DLGAP1: variants seen among roughly 807,000 people sequenced by gnomAD.
The protein encoded by DLGAP1 is DLG associated protein 1.
DLGAP1 carries 11 observed loss-of-function variants against 90.8 expected under a neutral mutation model. The ratio of observed to expected loss-of-function variants is 0.12; its 90% CI spans 0.08 to 0.20. DLGAP1 has a LOEUF of 0.20. DLGAP1 is among the 10% of genes least tolerant of loss of function. The pLI, the probability that DLGAP1 is intolerant of heterozygous loss-of-function variation, is 1.00. For synonymous variants in DLGAP1, 558 were observed against 540.7 expected (o/e 1.03, Z -0.44); for missense variants, 1,050 against 1,333.8 (o/e 0.79, Z 3.31).
intron 2 of DLGAP1, among the ~76,000 whole-genome samples, chr18:4,131,464 G>T (rs1353157291): frequency 6.6e-6 from 1 of 152,188 alleles, no homozygotes; most frequent in Admixed American, 6.5e-5. Flanking sequence ...TTCCTCTGTT[G>T]CCAGTACCCT....
chr18:3,670,943 C>T (rs2060066486), intron 7 of DLGAP1, among the ~76,000 whole-genome samples: 1 of 152,188 alleles, frequency 6.6e-6, no homozygotes, highest in Non-Finnish European at 1.5e-5. Flanking sequence ...TTGATTGAAA[C>T]TGCTTAATAA....
At chr18:4,213,765 C>T (rs1186312523) in intron 1 of DLGAP1, among the ~76,000 whole-genome samples, 3 of 152,140 alleles carry the variant, frequency 2.0e-5, no homozygotes, top group Admixed American at 6.6e-5. Context: ...AAGACAAATA[C>T]AAGAACAAGT....
chr18:4,115,660 G>A (rs932535521), intron 2 of DLGAP1, among the ~76,000 whole-genome samples: 1 of 151,878 alleles, frequency 6.6e-6, no homozygotes, highest in Non-Finnish European at 1.5e-5. Flanking sequence ...TAATTTTTTT[G>A]TATTTTTAGT....
chr18:4,034,867 C>A (rs2074862156), intron 2 of DLGAP1, among the ~76,000 whole-genome samples: 1 of 151,908 alleles, frequency 6.6e-6, no homozygotes. Flanking sequence ...ATTACAGACT[C>A]TAACTACTTT....
At chr18:3,600,827 G>GATATATAGATATATATAGATATATAT (rs2056910049) in intron 7 of DLGAP1, among the ~76,000 whole-genome samples, 1 of 12,206 alleles carries the variant, frequency 8.2e-5, no homozygotes, top group Non-Finnish European at 1.7e-4. Flanking sequence ...TAGATATATA[G>GATATATAGATATATATAGATATATAT]ATATATATAG....
At chr18:3,633,892 C>T (rs1354566623) in intron 7 of DLGAP1, among the ~76,000 whole-genome samples, 1 of 152,060 alleles carries the variant, frequency 6.6e-6, no homozygotes, top group Non-Finnish European at 1.5e-5. Context: ...TAAATAACTA[C>T]GGCCATGCAT....
intron 2 of DLGAP1, among the ~76,000 whole-genome samples, chr18:4,150,440 G>C (rs1379020019): frequency 6.6e-6 from 1 of 151,894 alleles, no homozygotes; most frequent in East Asian, 1.9e-4. Context: ...ACCCTGGCTG[G>C]AGTGCAGTGG....
chr18:3,949,153 T>A (rs2072933273), intron 3 of DLGAP1, among the ~76,000 whole-genome samples: 1 of 152,216 alleles, frequency 6.6e-6, no homozygotes, highest in Admixed American at 6.5e-5. Flanking sequence ...TTGCTGGCTC[T>A]GTGTCATACA....
chr18:4,440,248 A>G (rs1347111355), intron 1 of DLGAP1, among the ~76,000 whole-genome samples: 1 of 152,040 alleles, frequency 6.6e-6, no homozygotes, highest in Non-Finnish European at 1.5e-5. Flanking sequence ...GGAATAAAAT[A>G]TTTTAGAAAA....
At chr18:3,745,294 AAT>A (rs1295933657) in intron 5 of DLGAP1, among the ~76,000 whole-genome samples, 2 of 152,234 alleles carry the variant, frequency 1.3e-5, no homozygotes, top group African/African-American at 4.8e-5. Context: ...CACAACTCTG[AAT>A]ATATGAAAAT....
intron 2 of DLGAP1, among the ~76,000 whole-genome samples, chr18:4,053,346 C>G (rs890310925): frequency 1.3e-5 from 2 of 152,260 alleles, no homozygotes; most frequent in Middle Eastern, 3.4e-3. Context: ...GGGCCAAAGT[C>G]CCTTATATAA....
At chr18:3,562,656 T>C (rs1242926079) in intron 9 of DLGAP1, among the ~76,000 whole-genome samples, 1 of 149,746 alleles carries the variant, frequency 6.7e-6, no homozygotes, top group African/African-American at 2.5e-5. Context: ...GTGATTTTCC[T>C]GCCTCAGCCT....
intron 1 of DLGAP1, among the ~76,000 whole-genome samples, chr18:4,441,919 G>A (rs955883254): frequency 6.6e-6 from 1 of 152,294 alleles, no homozygotes; most frequent in Non-Finnish European, 1.5e-5. Flanking sequence ...ACAGACCTTC[G>A]TTCAATTATC....
intron 2 of DLGAP1, among the ~76,000 whole-genome samples, chr18:4,144,009 TCTC>T (rs1268035242): frequency 1.3e-5 from 2 of 152,046 alleles, no homozygotes; most frequent in Non-Finnish European, 2.9e-5. Flanking sequence ...TACTCTTCCT[TCTC>T]CTCTCCTCAA....
intron 5 of DLGAP1, among the ~76,000 whole-genome samples, chr18:3,800,193 ATTTTCT>A (rs1242607965): frequency 6.6e-6 from 1 of 152,108 alleles, no homozygotes; most frequent in Non-Finnish European, 1.5e-5. Flanking sequence ...CTTCATTTTC[ATTTTCT>A]TTAAGTGATT....
intron 6 of DLGAP1, among the ~76,000 whole-genome samples, chr18:3,735,089 T>C (rs980950992): frequency 6.6e-6 from 1 of 152,234 alleles, no homozygotes; most frequent in African/African-American, 2.4e-5. Context: ...AGAAGAATTT[T>C]AGTGTTCCTT....
intron 1 of DLGAP1, among the ~76,000 whole-genome samples, chr18:4,232,707 G>GT (rs2078325614): frequency 6.6e-6 from 1 of 152,158 alleles, no homozygotes; most frequent in South Asian, 2.1e-4. Flanking sequence ...CCTCTGGAAT[G>GT]TAACTCAATC....
intron 7 of DLGAP1, among the ~76,000 whole-genome samples, chr18:3,662,388 A>G (rs537601372): frequency 5.0e-4 from 76 of 152,320 alleles, no homozygotes; most frequent in South Asian, 1.2e-3. Context: ...ACAGCACCCA[A>G]CTCTGAGCCC....
chr18:4,220,166 T>C (rs1032299001), intron 1 of DLGAP1, among the ~76,000 whole-genome samples: 1 of 152,150 alleles, frequency 6.6e-6, no homozygotes, highest in Non-Finnish European at 1.5e-5. Context: ...CAATGCTCTA[T>C]AGTTTTCAGT....
Sources: gnomAD v4.1 joint callset for allele counts (sites outside exome capture counted in the v4.1 genomes callset) on GRCh38, gnomAD v4.1.1 for gene constraint, MANE v1.5 for transcripts, NCBI Gene and HGNC (gene_info 2026-07-23, HGNC 2026-07-21) for gene names.